The following CNTNAP3B variants were observed in gnomAD, a reference collection of about 807,000 sequenced individuals.
CNTNAP3B encodes contactin-associated protein-like 3B.
In CNTNAP3B, 25 loss-of-function variants were observed where a neutral mutation model predicts 108.9. The ratio of observed to expected loss-of-function variants is 0.23; its 90% CI spans 0.17 to 0.32. CNTNAP3B has a LOEUF of 0.32. Among genes scored for constraint, CNTNAP3B ranks in the 10% least tolerant of loss-of-function variants. The pLI is 1.00. For synonymous variants in CNTNAP3B, 103 were observed against 473.4 expected (o/e 0.22, Z 10.16); for missense variants, 252 against 1,210.4 (o/e 0.21, Z 11.75).
chr9:41,983,081 T>C (rs1364625255), intron 9 of CNTNAP3B, among the ~76,000 whole-genome samples: 1 of 127,914 alleles, frequency 7.8e-6, no homozygotes, highest in Non-Finnish European at 1.6e-5. Flanking sequence ...AAAAACTACC[T>C]ACTAGGTACT....
At chr9:42,024,572 G>T (rs891258675) in intron 3 of CNTNAP3B, among the ~76,000 whole-genome samples, 1 of 107,764 alleles carries the variant, frequency 9.3e-6, no homozygotes, top group African/African-American at 3.7e-5. Flanking sequence ...TAATTTCAGA[G>T]CAGCAAGAAC....
chr9:41,976,945 C>A (rs1300657525), intron 9 of CNTNAP3B, among the ~76,000 whole-genome samples: 2 of 142,012 alleles, frequency 1.4e-5, no homozygotes, highest in Admixed American at 7.0e-5. Context: ...AACGAAACAC[C>A]ACCCCCCTAA....
At chr9:41,922,512 TAAG>T (rs993575810) in intron 17 of CNTNAP3B, among the ~76,000 whole-genome samples, 162 bp downstream of exon 17, 3 of 144,674 alleles carry the variant, frequency 2.1e-5, no homozygotes, top group African/African-American at 8.0e-5. Context: ...AAATGTCACA[TAAG>T]AAGCACACAG....
intron 13 of CNTNAP3B, among the ~76,000 whole-genome samples, chr9:41,950,378 T>G: frequency 7.1e-6 from 1 of 140,778 alleles, no homozygotes; most frequent in South Asian, 2.3e-4. Context: ...CCTATTGCCC[T>G]TTGGGGCATT....
At chr9:42,099,243 C>A (rs1292139912) in intron 2 of CNTNAP3B, among the ~76,000 whole-genome samples, 2 of 123,666 alleles carry the variant, frequency 1.6e-5, no homozygotes, top group South Asian at 2.6e-4. Flanking sequence ...CCAAATATCA[C>A]AAATAGGCAG....
At chr9:41,961,519 A>G (rs1346389291) in intron 11 of CNTNAP3B, among the ~76,000 whole-genome samples, 10 of 152,296 alleles carry the variant, frequency 6.6e-5, no homozygotes, top group African/African-American at 1.9e-4. Context: ...TAAGCACATT[A>G]AAAGGCCTAA....
intron 14 of CNTNAP3B, among the ~76,000 whole-genome samples, chr9:41,935,053 A>AT (rs1363622029): frequency 1.8e-4 from 27 of 152,184 alleles, no homozygotes; most frequent in African/African-American, 6.0e-4. Context: ...TTTAGAGAAT[A>AT]TATTGGTCTA....
At chr9:41,916,472 A>G (rs987072023) in intron 18 of CNTNAP3B, among the ~76,000 whole-genome samples, 1 of 152,206 alleles carries the variant, frequency 6.6e-6, no homozygotes, top group African/African-American at 2.4e-5. Flanking sequence ...ATATCCCTTC[A>G]ACCTGAAGGA....
intron 11 of CNTNAP3B, among the ~76,000 whole-genome samples, chr9:41,961,629 T>G (rs1825094650): frequency 6.6e-6 from 1 of 152,296 alleles, no homozygotes; most frequent in Non-Finnish European, 1.5e-5. Context: ...ATGAGCATTT[T>G]AAAGAGATAA....
intron 18 of CNTNAP3B, among the ~76,000 whole-genome samples, chr9:41,915,515 A>T (rs1306264282): frequency 7.8e-6 from 1 of 127,692 alleles, no homozygotes; most frequent in Non-Finnish European, 1.6e-5. Context: ...CAGTACTATG[A>T]TAAATAGAGG....
intron 6 of CNTNAP3B, among the ~76,000 whole-genome samples, chr9:41,997,214 A>T (rs1259727494): frequency 6.7e-6 from 1 of 149,910 alleles, no homozygotes; most frequent in Non-Finnish European, 1.5e-5. Flanking sequence ...GACAAGAAAA[A>T]AAATCCCCCA....
intron 18 of CNTNAP3B, among the ~76,000 whole-genome samples, chr9:41,918,343 G>A (rs1823574560): frequency 6.7e-6 from 1 of 148,332 alleles, no homozygotes; most frequent in Admixed American, 6.7e-5. Context: ...GGTATCTACA[G>A]TATTCTGAGA....
intron 14 of CNTNAP3B, among the ~76,000 whole-genome samples, chr9:41,933,243 T>C (rs1473035857): frequency 2.0e-5 from 3 of 152,288 alleles, no homozygotes; most frequent in African/African-American, 4.8e-5. Flanking sequence ...GGCTGTCCTG[T>C]GCACTGTAGG....
chr9:42,100,164 T>G (rs1371479229), intron 2 of CNTNAP3B, among the ~76,000 whole-genome samples: 1 of 61,696 alleles, frequency 1.6e-5, no homozygotes. Flanking sequence ...GGTTTTGCAT[T>G]TCCAAATACT....
intron 1 of CNTNAP3B, among the ~76,000 whole-genome samples, chr9:42,112,272 G>C (rs565553307): frequency 7.2e-6 from 1 of 139,678 alleles, no homozygotes; most frequent in Non-Finnish European, 1.5e-5. Flanking sequence ...CTTCTCACAT[G>C]TGTGAAGGCC....
intron 1 of CNTNAP3B, among the ~76,000 whole-genome samples, chr9:42,120,381 T>G (rs1208249910): frequency 1.4e-5 from 2 of 139,620 alleles, no homozygotes; most frequent in African/African-American, 2.8e-5. Flanking sequence ...GGTGGGACTG[T>G]AAACTAGTTC....
At chr9:41,951,150 T>C (rs1338369085) in intron 13 of CNTNAP3B, among the ~76,000 whole-genome samples, 1 of 141,986 alleles carries the variant, frequency 7.0e-6, no homozygotes, top group Non-Finnish European at 1.5e-5. Context: ...TTCTACAAGA[T>C]GTCACCTTGG....
intron 1 of CNTNAP3B, among the ~76,000 whole-genome samples, chr9:42,124,544 G>A (rs1203568523): frequency 1.6e-5 from 2 of 127,086 alleles, no homozygotes; most frequent in African/African-American, 3.2e-5. Flanking sequence ...CTTGACATGT[G>A]CACAGTCATG....
intron 2 of CNTNAP3B, among the ~76,000 whole-genome samples, chr9:42,099,253 G>C (rs1827974391): frequency 8.1e-6 from 1 of 123,600 alleles, no homozygotes; most frequent in South Asian, 2.6e-4. Flanking sequence ...CAAATAGGCA[G>C]CATAATGGCC....
Sources: gnomAD v4.1 joint callset for allele counts (sites outside exome capture counted in the v4.1 genomes callset) on GRCh38, gnomAD v4.1.1 for gene constraint, MANE v1.5 for transcripts, NCBI Gene and HGNC (gene_info 2026-07-23, HGNC 2026-07-21) for gene names.